LPP: variants seen among roughly 807,000 people sequenced by gnomAD.
LPP encodes the protein lipoma-preferred partner.
In LPP, 38 loss-of-function variants were observed where a neutral mutation model predicts 60.4. The ratio of observed to expected loss-of-function variants is 0.63; its 90% CI spans 0.49 to 0.83. The LOEUF is 0.83. Among genes scored for constraint, LPP ranks in the 40% least tolerant of loss-of-function variants. The pLI, the probability that LPP is intolerant of heterozygous loss-of-function variation, is 0.00. For synonymous variants in LPP, 328 were observed against 290.8 expected (o/e 1.13, Z -1.30); for missense variants, 902 against 783.6 (o/e 1.15, Z -1.80).
chr3:188,777,076 C>T (rs188153960), intron 9 of LPP, among the ~76,000 whole-genome samples: 6 of 152,312 alleles, frequency 3.9e-5, no homozygotes, highest in African/African-American at 7.2e-5. Flanking sequence ...GCATTTACCA[C>T]CTGTACCAAT....
chr3:188,406,030 T>G, intron 3 of LPP, 82 bp from the exon 4 acceptor site: 1 of 1,231,460 alleles, frequency 8.1e-7, no homozygotes, highest in Non-Finnish European at 1.1e-6. Context: ...TTAGTATGGA[T>G]TAAGGTGAAA....
intron 7 of LPP, among the ~76,000 whole-genome samples, chr3:188,621,714 G>A (rs1468515663): frequency 6.6e-6 from 1 of 152,072 alleles, no homozygotes; most frequent in African/African-American, 2.4e-5. Flanking sequence ...AGGCTGGATT[G>A]CAGTGGTGCA....
At chr3:188,186,191 A>G (rs1726549226) in intron 1 of LPP, among the ~76,000 whole-genome samples, 3 of 152,148 alleles carry the variant, frequency 2.0e-5, no homozygotes. Flanking sequence ...TCCAACCCCC[A>G]GGCCTTGGTG....
intron 1 of LPP, among the ~76,000 whole-genome samples, chr3:188,196,693 G>C (rs1239666556): frequency 6.6e-6 from 1 of 152,044 alleles, no homozygotes; most frequent in African/African-American, 2.4e-5. Flanking sequence ...CCTCATTCAG[G>C]GCAAATTAAG....
chr3:188,771,922 C>T (rs1048063689), intron 9 of LPP, among the ~76,000 whole-genome samples: 3 of 152,126 alleles, frequency 2.0e-5, no homozygotes, highest in South Asian at 2.1e-4. Flanking sequence ...AATGTGTCAG[C>T]GGTCACCTGC....
At chr3:188,446,023 C>T (rs1795145315) in intron 4 of LPP, among the ~76,000 whole-genome samples, 1 of 152,168 alleles carries the variant, frequency 6.6e-6, no homozygotes, top group African/African-American at 2.4e-5. Flanking sequence ...CAGTTTTGCA[C>T]CCACTGTTTT....
intron 7 of LPP, among the ~76,000 whole-genome samples, chr3:188,693,012 T>A (rs542913046): frequency 6.6e-6 from 1 of 152,312 alleles, no homozygotes; most frequent in East Asian, 1.9e-4. Flanking sequence ...CCCAGGATAT[T>A]TAGAATGATG....
intron 1 of LPP, among the ~76,000 whole-genome samples, chr3:188,200,431 G>A (rs892530168): frequency 6.6e-6 from 1 of 152,098 alleles, no homozygotes; most frequent in Non-Finnish European, 1.5e-5. Flanking sequence ...TGTATTTTTA[G>A]TGGAGACGGG....
chr3:188,435,572 A>G (rs1037153207), intron 4 of LPP, among the ~76,000 whole-genome samples: 1 of 152,182 alleles, frequency 6.6e-6, no homozygotes, highest in Admixed American at 6.5e-5. Context: ...TTTCAGGATA[A>G]ATAATATCTG....
At chr3:188,804,725 A>C (rs1490722358) in intron 9 of LPP, among the ~76,000 whole-genome samples, 2 of 151,968 alleles carry the variant, frequency 1.3e-5, no homozygotes, top group African/African-American at 4.8e-5. Context: ...AGGGACTTTC[A>C]GTTAGTTGTT....
chr3:188,163,198 A>G (rs1376380503), intron 1 of LPP, among the ~76,000 whole-genome samples: 1 of 152,144 alleles, frequency 6.6e-6, no homozygotes, highest in Non-Finnish European at 1.5e-5. Flanking sequence ...GTGACTTTGC[A>G]TCATAGCTGG....
At chr3:188,771,576 A>AAAGGAAGAAAGG (rs1553842392) in intron 9 of LPP, among the ~76,000 whole-genome samples, 1 of 130,410 alleles carries the variant, frequency 7.7e-6, no homozygotes, top group African/African-American at 2.8e-5. Flanking sequence ...AGAAAGAAAG[A>AAAGGAAGAAAGG]AAGAAAGGGA....
chr3:188,635,031 C>A (rs1453058160), intron 7 of LPP, among the ~76,000 whole-genome samples: 1 of 152,038 alleles, frequency 6.6e-6, no homozygotes, highest in Non-Finnish European at 1.5e-5. Flanking sequence ...TTCTTGTCAA[C>A]CACTCCATCT....
intron 1 of LPP, among the ~76,000 whole-genome samples, chr3:188,211,509 T>A (rs1427636754): frequency 6.6e-6 from 1 of 152,132 alleles, no homozygotes; most frequent in Non-Finnish European, 1.5e-5. Context: ...GACACACCAT[T>A]TCCCCTAGTG....
chr3:188,608,281 T>C (rs1842916984), intron 6 of LPP, among the ~76,000 whole-genome samples: 1 of 152,244 alleles, frequency 6.6e-6, no homozygotes, highest in Admixed American at 6.5e-5. Flanking sequence ...ACTTTTCCTC[T>C]ATGTTACTTC....
intron 3 of LPP, among the ~76,000 whole-genome samples, chr3:188,366,532 CCA>C (rs1771223411): frequency 6.6e-6 from 1 of 152,122 alleles, no homozygotes; most frequent in Admixed American, 6.5e-5. Flanking sequence ...TTTCTATGTT[CCA>C]CCCAGGTGCT....
At chr3:188,702,466 C>G (rs1245850817) in intron 7 of LPP, among the ~76,000 whole-genome samples, 1 of 151,826 alleles carries the variant, frequency 6.6e-6, no homozygotes, top group Non-Finnish European at 1.5e-5. Flanking sequence ...AGAGCTTAGA[C>G]TTTATTGTAA....
At chr3:188,178,357 T>C (rs1174497088) in intron 1 of LPP, among the ~76,000 whole-genome samples, 2 of 152,180 alleles carry the variant, frequency 1.3e-5, no homozygotes, top group Non-Finnish European at 2.9e-5. Context: ...AGGGTGATTG[T>C]CCATGTTTCT....
At position 188,708,542 on chromosome 3, in the gene LPP, G is replaced by A. The variant is rs1865934627; in HGVS notation, c.1240+149G>A. On this transcript the variant is annotated intron_variant, in intron 8 of 11. Transcript: ENST00000617246. ...TACATCCCCGCACAACTAAGTAATT[G>A]TAGGATTTGCATTTGCAAGACTGCC... 2.8e-6 allele frequency: 3 copies of A among 1,076,190 alleles called. No homozygotes were observed. The South Asian group carries it at 4.3e-5, about 15-fold the overall frequency. 66.7% of individuals were successfully genotyped at this position (1,076,190 alleles called of 1,614,324 possible). A position where few individuals can be genotyped will look rare whatever the true frequency, so the allele number is the denominator to read the frequency against.
Sources: allele counts gnomAD v4.1 joint callset (sites outside exome capture counted in the v4.1 genomes callset), GRCh38; gene constraint gnomAD v4.1.1; transcripts MANE v1.5; gene names NCBI Gene and HGNC (gene_info 2026-07-23, HGNC 2026-07-21).